The following TCF12 variants were observed in gnomAD, a reference collection of about 807,000 sequenced individuals.
The protein encoded by TCF12 is DNA-binding protein HTF4.
TCF12 carries 45 observed loss-of-function variants against 86.0 expected under a neutral mutation model. The observed-to-expected ratio is 0.52, with a 90% CI of 0.41 to 0.67. The LOEUF is 0.67. Ranked by LOEUF, TCF12 falls within the 30% of genes least tolerant of loss-of-function variation. The pLI is 0.00. For synonymous variants in TCF12, 330 were observed against 299.6 expected (o/e 1.10, Z -1.05); for missense variants, 881 against 859.9 (o/e 1.02, Z -0.31).
At chr15:57,251,289 C>T in intron 13 of TCF12, 61 bp from the exon 14 acceptor site, 1 of 1,427,902 alleles carries the variant, frequency 7.0e-7, no homozygotes, top group Non-Finnish European at 9.9e-7. Context: ...CCCTTTCCTT[C>T]ACAACATTAT....
intron 8 of TCF12, among the ~76,000 whole-genome samples, chr15:57,206,613 A>T (rs1407530402): frequency 8.7e-6 from 1 of 114,300 alleles, no homozygotes; most frequent in Non-Finnish European, 1.7e-5. Context: ...TTTCTGAGAC[A>T]GTCTCGCTCT....
At chr15:56,990,237 G>GTGTC (rs1272432812) in intron 3 of TCF12, among the ~76,000 whole-genome samples, 1 of 134,040 alleles carries the variant, frequency 7.5e-6, no homozygotes. Flanking sequence ...TCGTGTGTGT[G>GTGTC]TGTCTGTGTG....
intron 5 of TCF12, among the ~76,000 whole-genome samples, chr15:57,151,640 A>C (rs928826685): frequency 1.3e-5 from 2 of 151,936 alleles, no homozygotes; most frequent in South Asian, 4.1e-4. Flanking sequence ...TGGCGCATGC[A>C]TGTAGTCCCA....
At chr15:57,264,890 C>T (rs1026081111) in intron 18 of TCF12, among the ~76,000 whole-genome samples, 8 of 151,866 alleles carry the variant, frequency 5.3e-5, no homozygotes, top group South Asian at 4.2e-4. Flanking sequence ...CCACCATGCC[C>T]GGCGAATTTT....
At position 57,122,724 on chromosome 15, in the gene TCF12, A is replaced by G. The variant is rs1027238884; in HGVS notation, c.325+30833A>G. On this transcript the variant is annotated intron_variant, in intron 5 of 20. Transcript: ENST00000333725. ...GTTTTGTTTTTGTTAGGACCTTTGG[A>G]ATGTATCTGTTAAATACAATTAAAT... is the stretch of plus-strand genomic sequence containing the variant. Among the ~76,000 whole-genome samples the G allele has an allele frequency of 6.6e-5, 10 of 152,216 alleles. No homozygotes were observed. The East Asian group carries it at 1.9e-3, about 29-fold the overall frequency.
chr15:56,918,477 C>G (rs1239092905), upstream of TCF12: 1 of 322,908 alleles, frequency 3.1e-6, no homozygotes, highest in Non-Finnish European at 6.1e-6. Flanking sequence ...AACTCCGTCC[C>G]GCCTCACCCG....
intron 6 of TCF12, among the ~76,000 whole-genome samples, chr15:57,174,291 T>C (rs1212212106): frequency 6.6e-6 from 1 of 152,114 alleles, no homozygotes; most frequent in Non-Finnish European, 1.5e-5. Context: ...GTTCACCACA[T>C]TATAACAGAA....
At chr15:57,261,536 C>T (rs1041188708) in intron 16 of TCF12, among the ~76,000 whole-genome samples, 18 of 152,108 alleles carry the variant, frequency 1.2e-4, no homozygotes, top group African/African-American at 4.3e-4. Context: ...TGTATAACTC[C>T]AGCCAATAAA....
chr15:57,130,403 T>C (rs1282200530), intron 5 of TCF12, among the ~76,000 whole-genome samples: 19 of 152,184 alleles, frequency 1.2e-4, no homozygotes, highest in Non-Finnish European at 2.2e-4. Context: ...ATACTGACTT[T>C]TGTTTTTGTT....
At chr15:57,132,344 T>C (rs1409682312) in intron 5 of TCF12, among the ~76,000 whole-genome samples, 3 of 152,178 alleles carry the variant, frequency 2.0e-5, no homozygotes, top group Admixed American at 6.5e-5. Flanking sequence ...TACAAGTAAA[T>C]ACTTATGTAT....
At chr15:57,223,656 T>TGTTTTTTTTTTG (rs1323132779) in intron 8 of TCF12, among the ~76,000 whole-genome samples, 6 of 104,206 alleles carry the variant, frequency 5.8e-5, no homozygotes, top group South Asian at 3.3e-4. Flanking sequence ...TTTTTTTTTT[T>TGTTTTTTTTTTG]TTTTTTTTTT....
At position 56,936,698 on chromosome 15, in the gene TCF12, G is replaced by A. The variant is rs1595749576; in HGVS notation, c.148+15600G>A. On this transcript the variant is annotated intron_variant, in intron 3 of 20. Transcript: ENST00000333725. ...ATCCAATTTCGTTCTCTTACATGTG[G>A]TTTTCCAATTATCCCAGCACCATTT... 2.0e-5 allele frequency among the ~76,000 whole-genome samples: 3 copies of A among 152,176 alleles called. No homozygotes were observed. In the South Asian group the frequency reaches 6.2e-4, roughly 32 times the overall value.
chr15:57,032,903 A>G (rs2066287342), intron 3 of TCF12, among the ~76,000 whole-genome samples: 1 of 152,238 alleles, frequency 6.6e-6, no homozygotes, highest in African/African-American at 2.4e-5. Context: ...AAGACATTAA[A>G]CCCTCCATTA....
intron 3 of TCF12, among the ~76,000 whole-genome samples, chr15:56,963,027 C>CTTTTTTTTT (rs532973260): frequency 5.1e-4 from 49 of 96,124 alleles, no homozygotes; most frequent in East Asian, 8.2e-4. Context: ...GTGTTAAGGT[C>CTTTTTTTTT]TTTTTTTTTT....
chr15:57,152,523 C>A, intron 5 of TCF12, among the ~76,000 whole-genome samples: 1 of 128,984 alleles, frequency 7.8e-6, no homozygotes, highest in Admixed American at 8.7e-5. Context: ...AATAATGAGT[C>A]AAGTTGAAAT....
intron 6 of TCF12, among the ~76,000 whole-genome samples, chr15:57,179,330 C>CA (rs1162902644): frequency 3.3e-5 from 5 of 151,690 alleles, no homozygotes; most frequent in Non-Finnish European, 5.9e-5. Flanking sequence ...ACTAGAAATA[C>CA]AAAAAAAATT....
At chr15:56,988,341 G>A (rs1317066337) in intron 3 of TCF12, among the ~76,000 whole-genome samples, 1 of 152,086 alleles carries the variant, frequency 6.6e-6, no homozygotes, top group Non-Finnish European at 1.5e-5. Context: ...CTACAAACCT[G>A]TACAGCATGT....
At chr15:57,041,982 A>T (rs2066922894) in intron 3 of TCF12, among the ~76,000 whole-genome samples, 1 of 152,166 alleles carries the variant, frequency 6.6e-6, no homozygotes, top group Non-Finnish European at 1.5e-5. Flanking sequence ...TTGGATTGGG[A>T]CCTGTAATTA....
intron 5 of TCF12, among the ~76,000 whole-genome samples, chr15:57,111,546 C>G (rs1292554700): frequency 6.6e-6 from 1 of 151,258 alleles, no homozygotes; most frequent in African/African-American, 2.4e-5. Flanking sequence ...CTTAGTTTGC[C>G]TGTGTGGTGC....
Sources: allele counts gnomAD v4.1 joint callset (sites outside exome capture counted in the v4.1 genomes callset), GRCh38; gene constraint gnomAD v4.1.1; transcripts MANE v1.5; gene names NCBI Gene and HGNC (gene_info 2026-07-23, HGNC 2026-07-21).